Variants in ANKS1B observed in about 807,000 individuals in gnomAD.
ANKS1B encodes the protein ankyrin repeat and sterile alpha motif domain containing 1B.
In ANKS1B, 36 loss-of-function variants were observed where a neutral mutation model predicts 148.3. The ratio of observed to expected loss-of-function variants is 0.24; its 90% CI spans 0.19 to 0.32. The LOEUF (loss-of-function observed/expected upper bound fraction) is 0.32. ANKS1B is among the 10% of genes least tolerant of loss of function. The probability of loss-of-function intolerance (pLI) is 1.00; values close to 1 mark genes in which losing one functional copy is unlikely to be tolerated. For synonymous variants in ANKS1B, 542 were observed against 560.8 expected, an observed-to-expected ratio of 0.97 and a Z score of 0.47; for missense variants, 1,157 against 1,542.6, an observed-to-expected ratio of 0.75 and a Z score of 4.19.
At chr12:98,952,226 C>T (rs1028243903) in intron 17 of ANKS1B, among the ~76,000 whole-genome samples, 8 of 152,050 alleles carry the variant, frequency 5.3e-5, no homozygotes, top group Admixed American at 5.2e-4. Context: ...TAGTATTCCC[C>T]CCGTCTTTTG....
chr12:99,818,910 G>T (rs73374311), intron 2 of ANKS1B, among the ~76,000 whole-genome samples: 213 of 151,834 alleles, frequency 1.4e-3, no homozygotes, highest in African/African-American at 4.9e-3. Context: ...CATATGCTCT[G>T]AGCAAAATTA....
At chr12:99,590,815 A>G (rs888494955) in intron 9 of ANKS1B, among the ~76,000 whole-genome samples, 2 of 152,180 alleles carry the variant, frequency 1.3e-5, no homozygotes, top group South Asian at 2.1e-4. Context: ...TACTTCAGTG[A>G]AGGCGTATTT....
intron 1 of ANKS1B, among the ~76,000 whole-genome samples, chr12:99,866,297 C>T (rs1469139440): frequency 2.0e-5 from 3 of 152,140 alleles, no homozygotes; most frequent in African/African-American, 7.2e-5. Context: ...CAAAACTACC[C>T]TATAGTTTGT....
chr12:99,848,572 G>A (rs2087116877), intron 1 of ANKS1B, among the ~76,000 whole-genome samples: 1 of 152,098 alleles, frequency 6.6e-6, no homozygotes, highest in Non-Finnish European at 1.5e-5. Flanking sequence ...AATCTATATA[G>A]TCCCTTGATT....
At chr12:98,805,681 C>G (rs191235149) in intron 20 of ANKS1B, among the ~76,000 whole-genome samples, 17 of 152,290 alleles carry the variant, frequency 1.1e-4, no homozygotes, top group African/African-American at 3.8e-4. Context: ...AGCTTTTAAA[C>G]TTTGCATTAT....
intron 9 of ANKS1B, among the ~76,000 whole-genome samples, chr12:99,536,828 T>G (rs2097073700): frequency 6.6e-6 from 1 of 152,152 alleles, no homozygotes; most frequent in Non-Finnish European, 1.5e-5. Context: ...AGTCACCCTG[T>G]TGTGCTATCA....
chr12:99,331,568 G>A (rs2087565645), intron 12 of ANKS1B, among the ~76,000 whole-genome samples: 1 of 151,988 alleles, frequency 6.6e-6, no homozygotes, highest in African/African-American at 2.4e-5. Flanking sequence ...GTGGGGCGGG[G>A]AGAGCAGCAA....
At chr12:99,302,767 C>G (rs1460013649) in intron 12 of ANKS1B, among the ~76,000 whole-genome samples, 1 of 152,142 alleles carries the variant, frequency 6.6e-6, no homozygotes, top group African/African-American at 2.4e-5. Context: ...GGCTTTTCCT[C>G]TCTTATGCAA....
At chr12:99,722,230 A>G (rs1390442809) in intron 8 of ANKS1B, among the ~76,000 whole-genome samples, 1 of 152,240 alleles carries the variant, frequency 6.6e-6, no homozygotes, top group African/African-American at 2.4e-5. Context: ...CAGATTCTCA[A>G]TGTAGATGAA....
intron 14 of ANKS1B, among the ~76,000 whole-genome samples, chr12:99,200,214 G>GT (rs2081911180): frequency 1.3e-5 from 2 of 152,302 alleles, no homozygotes; most frequent in Admixed American, 1.3e-4. Flanking sequence ...TTCAGAGAAG[G>GT]TAACATATTA....
rs571984701 is a variant in ANKS1B, at chr12:99,739,079, A to G, written c.1128+33843T>C. 3.9e-5 allele frequency among the ~76,000 whole-genome samples: 6 copies of G among 152,162 alleles called. No homozygotes were observed. The East Asian group carries it at 1.2e-3, about 29-fold the overall frequency. The stretch of plus-strand genomic sequence containing the variant: ...CTCCATTCAGGGAGGGTATTCACAT[A>G]CACTATCATCTTTCTCCAAAATCTC... On this transcript the variant is annotated intron_variant, in intron 8 of 26. Coordinates refer to ENST00000683438, the MANE Select transcript of ANKS1B (RefSeq NM_001352186.2).
chr12:99,063,687 C>T (rs80200886), intron 16 of ANKS1B, among the ~76,000 whole-genome samples: 82 of 152,302 alleles, frequency 5.4e-4, no homozygotes, highest in South Asian at 1.7e-3. Flanking sequence ...AGTGATTTCA[C>T]GCATGTCACC....
intron 9 of ANKS1B, among the ~76,000 whole-genome samples, chr12:99,632,049 T>C (rs2098166063): frequency 6.6e-6 from 1 of 151,672 alleles, no homozygotes; most frequent in Non-Finnish European, 1.5e-5. Flanking sequence ...GAGAGTAGAG[T>C]GGTTTCACGG....
intron 10 of ANKS1B, 138 bp downstream of exon 10, chr12:99,504,338 T>C (rs2153005482): frequency 1.1e-6 from 1 of 887,870 alleles, no homozygotes; most frequent in African/African-American, 1.7e-5. Context: ...CACTTCAAAA[T>C]GAAAAAATAA....
chr12:99,905,534 G>T (rs1791366362), intron 1 of ANKS1B, among the ~76,000 whole-genome samples: 1 of 152,152 alleles, frequency 6.6e-6, no homozygotes, highest in Non-Finnish European at 1.5e-5. Context: ...CACACAGAAG[G>T]TACTCAACAA....
rs1295855913 is a variant in ANKS1B, at chr12:99,085,140, C to A, written c.2527-117G>T. ...GTGACCTGATTTTTATGAACAAAGA[C>A]ATAGAGTCATTCTTCCGTGAGGGTG... On this transcript the variant is annotated intron_variant, in intron 15 of 26. Coordinates refer to ENST00000683438, the MANE Select transcript of ANKS1B (RefSeq NM_001352186.2). 9 of 806,266 alleles carry A rather than the reference C, an allele frequency of 1.1e-5. No individual in the cohort carries two copies. The East Asian group carries it at 2.4e-4, about 22-fold the overall frequency. The allele number at this position is 806,266 out of a possible 1,614,324, so 49.9% of individuals were successfully genotyped here. A position where few individuals can be genotyped will look rare whatever the true frequency, so the allele number is the denominator to read the frequency against.
At chr12:99,404,999 C>T (rs1437484438) in intron 11 of ANKS1B, among the ~76,000 whole-genome samples, 2 of 145,824 alleles carry the variant, frequency 1.4e-5, no homozygotes, top group East Asian at 1.9e-4. Context: ...AGTGGCATGA[C>T]ATATTTAAAG....
chr12:99,979,115 TTAAA>T (rs1184668277), intron 1 of ANKS1B, among the ~76,000 whole-genome samples: 1 of 152,062 alleles, frequency 6.6e-6, no homozygotes, highest in Non-Finnish European at 1.5e-5. Flanking sequence ...AAAAGATATG[TTAAA>T]TAAACTGAAA....
intron 9 of ANKS1B, 74 bp downstream of exon 9, chr12:99,654,993 G>C: frequency 6.9e-7 from 1 of 1,441,944 alleles, no homozygotes; most frequent in Non-Finnish European, 9.3e-7. Flanking sequence ...TTTTCGAAGG[G>C]GAGGGAGATT....
Sources: gnomAD v4.1 joint callset for allele counts (sites outside exome capture counted in the v4.1 genomes callset) on GRCh38, gnomAD v4.1.1 for gene constraint, MANE v1.5 for transcripts, NCBI Gene and HGNC (gene_info 2026-07-23, HGNC 2026-07-21) for gene names.